RNMT: variants seen among roughly 807,000 people sequenced by gnomAD.
RNMT encodes RNA guanine-7 methyltransferase.
RNMT carries 27 observed loss-of-function variants against 56.0 expected under a neutral mutation model. That is an observed-to-expected ratio of 0.48 (90% CI 0.36 to 0.67). The LOEUF (loss-of-function observed/expected upper bound fraction) is 0.67, where lower values mean the gene tolerates loss of function less well. Ranked by LOEUF, RNMT falls within the 30% of genes least tolerant of loss-of-function variation. The pLI, the probability that RNMT is intolerant of heterozygous loss-of-function variation, is 0.00. For synonymous variants in RNMT, 184 were observed against 176.2 expected (o/e 1.04, Z -0.35); for missense variants, 519 against 552.1 (o/e 0.94, Z 0.60).
At chr18:13,754,343 C>G (rs1479037804) in intron 11 of RNMT, among the ~76,000 whole-genome samples, 196 bp downstream of exon 11, 1 of 151,800 alleles carries the variant, frequency 6.6e-6, no homozygotes. Flanking sequence ...TTGTCTCTAC[C>G]AAAAATACAA....
At chr18:13,741,459 A>C (rs748217957) in intron 6 of RNMT, 51 bp from the exon 7 acceptor site, 1 of 1,334,954 alleles carries the variant, frequency 7.5e-7, no homozygotes, top group South Asian at 1.3e-5. Flanking sequence ...AAAAGTTTTT[A>C]ATCTTTGTTG....
At position 13,762,079 on chromosome 18, in the gene RNMT, C is replaced by T. The variant is rs971198016; in HGVS notation, c.*2100C>T. ...TTATGAGGGAGGCATGGCTTTCCAC[C>T]GTCGGGCCAGGAAGAGCACCTGTTG... is the stretch of plus-strand genomic sequence containing the variant. On this transcript the variant is annotated 3_prime_UTR_variant, in exon 12 of 12. Transcript: ENST00000383314. 1.1e-5 allele frequency: 17 copies of T among 1,536,002 alleles called. No individual in the cohort carries two copies. The highest frequency in any genetic ancestry group is 9.6e-5 in the African/African-American group (7 of 73,138).
intron 2 of RNMT, among the ~76,000 whole-genome samples, 162 bp from the exon 3 acceptor site, chr18:13,731,314 G>A (rs1284190): frequency 0.86 from 130,336 of 152,050 alleles, 55,949 homozygotes; most frequent in East Asian, 0.95. Flanking sequence ...AGGCTGAGGC[G>A]GGAGAATCAC....
intron 9 of RNMT, among the ~76,000 whole-genome samples, chr18:13,748,493 G>A (rs140093626): frequency 2.0e-5 from 3 of 152,122 alleles, no homozygotes; most frequent in Non-Finnish European, 4.4e-5. Context: ...AAGAGCAGTC[G>A]GATGCCACTG....
rs1325491497 is a variant in RNMT, at chr18:13,761,516, G to A, written c.*1537G>A. On this transcript the variant is annotated 3_prime_UTR_variant, in exon 12 of 12. Coordinates refer to ENST00000383314, the MANE Select transcript of RNMT (RefSeq NM_003799.3). ...CACATTTACTGGTCTTAATTAACAG[G>A]TAATAATAATACATGTACTTTTAGC... 2.0e-6 allele frequency: 2 copies of A among 989,018 alleles called. No individual in the cohort carries two copies. The highest frequency in any genetic ancestry group is 2.4e-6 in the Non-Finnish European group (2 of 832,058). The allele number at this position is 989,018 out of a possible 1,614,324, so 61.3% of individuals were successfully genotyped here.
Position 13,764,409 on chromosome 18 carries a change from A to G in RNMT, c.*4430A>G, listed in dbSNP as rs1283250924. 6.6e-6 allele frequency: 1 copy of G among 152,184 alleles called. No homozygotes were observed. The highest frequency in any genetic ancestry group is 1.5e-5 in the Non-Finnish European group (1 of 68,030). The allele number at this position is 152,184 out of a possible 1,614,324, so 9.4% of individuals were successfully genotyped here. On this transcript the variant is annotated 3_prime_UTR_variant, in exon 12 of 12. Transcript: ENST00000383314. ...TTCTGTCTGGTTTGGGGAGATATAT[A>G]AATGGAATTATGCATTCTTCGTATC... is the stretch of plus-strand genomic sequence containing the variant.
At chr18:13,746,011 G>A (rs2044346264) in intron 8 of RNMT, among the ~76,000 whole-genome samples, 1 of 152,142 alleles carries the variant, frequency 6.6e-6, no homozygotes, top group African/African-American at 2.4e-5. Flanking sequence ...TACTAATAGA[G>A]CCCTCTGAAA....
intron 1 of RNMT, among the ~76,000 whole-genome samples, chr18:13,728,644 A>G (rs1568495249): frequency 6.6e-6 from 1 of 151,910 alleles, no homozygotes; most frequent in South Asian, 2.1e-4. Context: ...CTCAGCATCC[A>G]TTTTTTAAAA....
chr18:13,742,751 G>C lies in RNMT; in HGVS notation c.1139+99G>C, dbSNP rs1025761235. ...ATTTTACTCTTTATTTTAAATGAGG[G>C]CTAAAGAAAAAGTATAATCTTGTTT... is the stretch of plus-strand genomic sequence containing the variant. On this transcript the variant is annotated intron_variant, in intron 8 of 11. Transcript: ENST00000383314. 6 of 887,980 alleles carry C rather than the reference G, an allele frequency of 6.8e-6. No individual in the cohort carries two copies. The East Asian group carries it at 1.6e-4, about 24-fold the overall frequency. 55.0% of individuals were successfully genotyped at this position (887,980 alleles called of 1,614,324 possible). A position where few individuals can be genotyped will look rare whatever the true frequency, so the allele number is the denominator to read the frequency against.
rs769452034 is a variant in RNMT at position 13,761,759 on chromosome 18, C to G, written c.*1780C>G. 2 of 1,193,150 alleles carry G rather than the reference C, an allele frequency of 1.7e-6. No homozygotes were observed. The highest frequency in any genetic ancestry group is 4.3e-5 in the Admixed American group (1 of 23,526). The allele number at this position is 1,193,150 out of a possible 1,614,324, so 73.9% of individuals were successfully genotyped here. On this transcript the variant is annotated 3_prime_UTR_variant, in exon 12 of 12. Transcript: ENST00000383314. ...TCAGGGAGGCTTACTGGAGCCACAC[C>G]TGCAGGCGCTGTGTTCAGGCACCAC... is the stretch of plus-strand genomic sequence containing the variant.
At position 13,740,166 on chromosome 18, in the gene RNMT, G is replaced by C. The variant is rs1464500382; in HGVS notation, c.680-1G>C. On this transcript the variant is annotated splice_acceptor_variant, in intron 5 of 11. Coordinates refer to ENST00000383314, the MANE Select transcript of RNMT (RefSeq NM_003799.3). LOFTEE classifies it high-confidence loss of function. The stretch of plus-strand genomic sequence containing the variant: ...TTACTAATACCCTTCCATCCTTCCA[G>C]ATATTGCCGATGTTTCTGTCAAACA... The C allele has an allele frequency of 6.3e-7, 1 of 1,587,168 alleles. No homozygotes were observed. The highest frequency in any genetic ancestry group is 8.7e-7 in the Non-Finnish European group (1 of 1,155,982).
At chr18:13,741,792 A>G (rs541807739) in intron 7 of RNMT, 101 bp downstream of exon 7, 9 of 656,800 alleles carry the variant, frequency 1.4e-5, no homozygotes, top group African/African-American at 8.8e-5. Context: ...TTTTAATCTT[A>G]TAAGTGTTGA....
chr18:13,738,281 T>C (rs1358636656), intron 5 of RNMT, among the ~76,000 whole-genome samples: 1 of 152,192 alleles, frequency 6.6e-6, no homozygotes, highest in Admixed American at 6.5e-5. Flanking sequence ...TTGAAAATAT[T>C]TTTTAGTTCA....
intron 11 of RNMT, among the ~76,000 whole-genome samples, chr18:13,758,148 C>T (rs2044573397): frequency 1.3e-5 from 2 of 152,190 alleles, no homozygotes; most frequent in African/African-American, 4.8e-5. Flanking sequence ...AGAGCATGAG[C>T]AGAGCAGATT....
chr18:13,748,089 C>T (rs11661258), intron 9 of RNMT, among the ~76,000 whole-genome samples: 241 of 152,288 alleles, frequency 1.6e-3, no homozygotes, highest in Admixed American at 3.9e-3. Context: ...ATGATGGGAA[C>T]TGCAGTATTG....
chr18:13,743,301 C>T (rs1353501122), intron 8 of RNMT, among the ~76,000 whole-genome samples: 2 of 138,054 alleles, frequency 1.4e-5, no homozygotes, highest in East Asian at 4.2e-4. Context: ...CCAGCCTGGG[C>T]GACAGAGCGA....
rs756505161 is a variant in RNMT, at chr18:13,740,289, C to G, written c.792+10C>G. 1.5e-6 allele frequency: 2 copies of G among 1,310,218 alleles called. No individual in the cohort carries two copies. The highest frequency in any genetic ancestry group is 1.8e-4 in the Middle Eastern group (1 of 5,516). 81.2% of individuals were successfully genotyped at this position (1,310,218 alleles called of 1,614,324 possible). A position where few individuals can be genotyped will look rare whatever the true frequency, so the allele number is the denominator to read the frequency against. On this transcript the variant is annotated intron_variant, in intron 6 of 11. Coordinates refer to ENST00000383314, the MANE Select transcript of RNMT (RefSeq NM_003799.3). ...TGCTGACAGCTCAAAGGTACAGTTT[C>G]TTTCTTTGGTCAATTTATTTTTTAC...
rs2044386838 is a variant in RNMT, at chr18:13,748,440, G to A, written c.1257+2103G>A. Among the ~76,000 whole-genome samples, 7 of 152,326 alleles carry A rather than the reference G, an allele frequency of 4.6e-5. No homozygotes were observed. The South Asian group carries it at 1.5e-3, about 32-fold the overall frequency. On this transcript the variant is annotated intron_variant, in intron 9 of 11. Transcript: ENST00000383314. ...TAGGACACTACTTGGGTGGCATAAT[G>A]GGGGATGGTTTGGAGGGACTTTGAG...
intron 10 of RNMT, among the ~76,000 whole-genome samples, chr18:13,753,087 G>GA (rs1419686856): frequency 3.9e-5 from 6 of 151,934 alleles, no homozygotes; most frequent in Non-Finnish European, 5.9e-5. Context: ...TTATTCCTTT[G>GA]AAAAAACACA....
Sources: allele counts gnomAD v4.1 joint callset (sites outside exome capture counted in the v4.1 genomes callset), GRCh38; gene constraint gnomAD v4.1.1; transcripts MANE v1.5; gene names NCBI Gene and HGNC (gene_info 2026-07-23, HGNC 2026-07-21).